The following SRRM4 variants were observed in gnomAD, a reference collection of about 807,000 sequenced individuals.
SRRM4 encodes serine/arginine repetitive matrix protein 4.
SRRM4 carries 33 observed loss-of-function variants against 68.9 expected under a neutral mutation model. The ratio of observed to expected loss-of-function variants is 0.48; its 90% CI spans 0.36 to 0.64. The LOEUF (loss-of-function observed/expected upper bound fraction) is 0.64, where lower values mean the gene tolerates loss of function less well. SRRM4 is among the 30% of genes least tolerant of loss of function. The pLI is 0.00. For synonymous variants in SRRM4, 318 were observed against 318.8 expected (o/e 1.00, Z 0.03); for missense variants, 817 against 827.1 (o/e 0.99, Z 0.15).
chr12:119,136,787 A>G (rs1954331542), intron 8 of SRRM4, among the ~76,000 whole-genome samples: 1 of 152,174 alleles, frequency 6.6e-6, no homozygotes, highest in African/African-American at 2.4e-5. Context: ...GAGAGGCTTC[A>G]AAGAAAGGGT....
intron 7 of SRRM4, among the ~76,000 whole-genome samples, chr12:119,127,659 C>T (rs1022497785): frequency 2.0e-5 from 3 of 150,464 alleles, no homozygotes; most frequent in Non-Finnish European, 4.4e-5. Flanking sequence ...ACCCAGGAGA[C>T]GGAGGTTGCA....
intron 3 of SRRM4, among the ~76,000 whole-genome samples, chr12:119,114,956 G>T (rs1411072498): frequency 1.3e-5 from 2 of 151,882 alleles, no homozygotes; most frequent in Admixed American, 6.6e-5. Context: ...GAACCACCGC[G>T]CCTGGCCGGA....
chr12:118,988,094 G>A (rs1212735502), intron 1 of SRRM4, among the ~76,000 whole-genome samples: 2 of 151,730 alleles, frequency 1.3e-5, no homozygotes, highest in African/African-American at 4.8e-5. Context: ...TCTTAAGCAT[G>A]ATAATGTAGG....
intron 1 of SRRM4, among the ~76,000 whole-genome samples, chr12:119,086,269 A>C (rs1048926339): frequency 2.0e-5 from 3 of 152,160 alleles, no homozygotes; most frequent in Non-Finnish European, 2.9e-5. Flanking sequence ...CGCAAGTAAA[A>C]ATATGGCTAT....
chr12:119,148,718 G>A (rs1208382479), intron 9 of SRRM4, among the ~76,000 whole-genome samples: 1 of 152,198 alleles, frequency 6.6e-6, no homozygotes, highest in Admixed American at 6.5e-5. Flanking sequence ...AGGAACTAAA[G>A]CCTGAGAGAC....
rs956350339 is a variant in SRRM4, at chr12:119,147,148, C to T, written c.1076+1463C>T. On this transcript the variant is annotated intron_variant, in intron 9 of 12. Coordinates refer to ENST00000267260, the MANE Select transcript of SRRM4 (RefSeq NM_194286.4). ...TCAGTGCTCGGAAGGTATGAGGTAC[C>T]ACGCTATGAAAAGACATGGAGGAAA... Among the ~76,000 whole-genome samples, 6 of 152,136 alleles carry T rather than the reference C, an allele frequency of 3.9e-5. No individual in the cohort carries two copies. In the South Asian group the frequency reaches 1.2e-3, roughly 32 times the overall value.
chr12:119,007,151 C>T (rs1199301454), intron 1 of SRRM4, among the ~76,000 whole-genome samples: 1 of 152,194 alleles, frequency 6.6e-6, no homozygotes, highest in Non-Finnish European at 1.5e-5. Context: ...ACTTCCCAGC[C>T]CTCTCTGAAG....
At chr12:119,092,574 A>G (rs1954020200) in intron 1 of SRRM4, among the ~76,000 whole-genome samples, 1 of 152,112 alleles carries the variant, frequency 6.6e-6, no homozygotes, top group Non-Finnish European at 1.5e-5. Context: ...AATCCATGCA[A>G]AAACTCTGTT....
chr12:118,982,659 G>GTTTTATTTTATTTTA (rs1565882722), intron 1 of SRRM4, among the ~76,000 whole-genome samples: 2 of 93,480 alleles, frequency 2.1e-5, no homozygotes, highest in Admixed American at 1.2e-4. Context: ...TCTTGGAAGA[G>GTTTTATTTTATTTTA]TTTTATTTTG....
rs532457782 is a variant in SRRM4, at chr12:118,981,740, G to A, written c.-143G>A. 8 of 419,464 alleles carry A rather than the reference G, an allele frequency of 1.9e-5. No homozygotes were observed. Among genetic ancestry groups the A allele is most frequent in the African/African-American group, 6.4e-5 (3 of 47,146 alleles). The allele number at this position is 419,464 out of a possible 1,614,324, so 26.0% of individuals were successfully genotyped here. On this transcript the variant is annotated 5_prime_UTR_variant, in exon 1 of 13. Transcript: ENST00000267260. ...CCCGGGCTGGGGCGTCCCATCCCCC[G>A]CCCTGAACTCCGATCTCTCCCACCC...
intron 1 of SRRM4, among the ~76,000 whole-genome samples, chr12:118,986,895 C>T (rs1231473301): frequency 1.3e-5 from 2 of 151,650 alleles, no homozygotes; most frequent in Admixed American, 6.5e-5. Context: ...AAGAGCAATA[C>T]ATTAAAAAAA....
At chr12:119,098,161 A>C (rs1954056526) in intron 1 of SRRM4, among the ~76,000 whole-genome samples, 1 of 152,228 alleles carries the variant, frequency 6.6e-6, no homozygotes, top group Non-Finnish European at 1.5e-5. Context: ...CATGTGAAGA[A>C]CTAAGGCCTT....
chr12:119,098,942 T>C (rs1398302267), intron 1 of SRRM4, among the ~76,000 whole-genome samples: 1 of 152,130 alleles, frequency 6.6e-6, no homozygotes, highest in Non-Finnish European at 1.5e-5. Flanking sequence ...CTCTGCCCTT[T>C]TCTCCCTTCA....
chr12:119,025,103 G>T (rs1034990895), intron 1 of SRRM4, among the ~76,000 whole-genome samples: 1 of 152,124 alleles, frequency 6.6e-6, no homozygotes, highest in Non-Finnish European at 1.5e-5. Flanking sequence ...CGTAACCCTG[G>T]TGGGTGTGCA....
chr12:119,018,636 G>T (rs1476702295), intron 1 of SRRM4, among the ~76,000 whole-genome samples: 1 of 152,088 alleles, frequency 6.6e-6, no homozygotes, highest in Non-Finnish European at 1.5e-5. Context: ...AAAGAGAGAG[G>T]TAGAGAGAAA....
intron 1 of SRRM4, among the ~76,000 whole-genome samples, chr12:119,056,013 T>C (rs1953773819): frequency 2.0e-5 from 3 of 152,230 alleles, no homozygotes; most frequent in Non-Finnish European, 4.4e-5. Context: ...GCAGGGTCTC[T>C]GGGCCCCTCC....
intron 8 of SRRM4, among the ~76,000 whole-genome samples, chr12:119,145,125 A>G (rs1262120369): frequency 6.6e-6 from 1 of 150,904 alleles, no homozygotes; most frequent in Non-Finnish European, 1.5e-5. Flanking sequence ...CTTTTGTTTA[A>G]TCTGAATCGC....
intron 1 of SRRM4, among the ~76,000 whole-genome samples, chr12:119,061,867 C>T (rs1439265581): frequency 6.6e-6 from 1 of 151,964 alleles, no homozygotes; most frequent in Admixed American, 6.6e-5. Context: ...TTGTGACAAC[C>T]AAAAGTGTCT....
chr12:118,995,824 C>T (rs553343663), intron 1 of SRRM4, among the ~76,000 whole-genome samples: 132 of 152,304 alleles, frequency 8.7e-4, no homozygotes, highest in African/African-American at 3.0e-3. Context: ...TACTCATCAT[C>T]TATTCCTGCA....
Sources: allele counts gnomAD v4.1 joint callset (sites outside exome capture counted in the v4.1 genomes callset), GRCh38; gene constraint gnomAD v4.1.1; transcripts MANE v1.5; gene names NCBI Gene and HGNC (gene_info 2026-07-23, HGNC 2026-07-21).